The following EPB41 variants were observed in gnomAD, a reference collection of about 807,000 sequenced individuals.
EPB41 encodes the protein erythrocyte membrane protein band 4.1.
A neutral mutation model predicts 108.0 loss-of-function variants in EPB41; 65 were observed. That is an observed-to-expected ratio of 0.60 (90% CI 0.49 to 0.74). The LOEUF (loss-of-function observed/expected upper bound fraction) is 0.74, where lower values mean the gene tolerates loss of function less well. Ranked by LOEUF, EPB41 falls within the 30% of genes least tolerant of loss-of-function variation. The pLI, the probability that EPB41 is intolerant of heterozygous loss-of-function variation, is 0.00. For synonymous variants in EPB41, 336 were observed against 358.9 expected, an observed-to-expected ratio of 0.94 and a Z score of 0.72; for missense variants, 875 against 1,037.0, an observed-to-expected ratio of 0.84 and a Z score of 2.15.
At chr1:28,919,194 T>C (rs2148200266) in intron 1 of EPB41, among the ~76,000 whole-genome samples, 1 of 152,382 alleles carries the variant, frequency 6.6e-6, no homozygotes, top group South Asian at 2.1e-4. Flanking sequence ...AGTCTGTTTA[T>C]ACTTATTTTG....
chr1:29,115,936 C>T lies in EPB41; in HGVS notation c.*6+133C>T, dbSNP rs573870641. The stretch of plus-strand genomic sequence containing the variant: ...CACCCTGGGACTTGATAAAGGCAGA[C>T]GAGAGGCTGATGTGGGAGATATAGG... On this transcript the variant is annotated intron_variant, in intron 20 of 20. Coordinates refer to ENST00000343067, the MANE Select transcript of EPB41 (RefSeq NM_001376013.1). The surrounding 1 kb of genome is among the most constrained non-coding windows in gnomAD (Gnocchi z 4.4). The T allele has an allele frequency of 1.4e-5, 10 of 702,980 alleles. No individual in the cohort carries two copies. The highest frequency in any genetic ancestry group is 9.4e-5 in the South Asian group (6 of 63,780). The allele number at this position is 702,980 out of a possible 1,614,324, so 43.5% of individuals were successfully genotyped here. A position where few individuals can be genotyped will look rare whatever the true frequency, so the allele number is the denominator to read the frequency against.
At chr1:29,093,718 A>G (rs1451756547) in intron 16 of EPB41, among the ~76,000 whole-genome samples, 1 of 152,176 alleles carries the variant, frequency 6.6e-6, no homozygotes, top group African/African-American at 2.4e-5. Flanking sequence ...CAGCCTGACC[A>G]ACATGGTGAA....
At chr1:28,888,916 C>T (rs553146321) in intron 1 of EPB41, among the ~76,000 whole-genome samples, 3 of 152,330 alleles carry the variant, frequency 2.0e-5, no homozygotes, top group African/African-American at 4.8e-5. Context: ...CGTGAGCCAC[C>T]GCGCCAGGCC....
At chr1:29,114,360 C>T (rs757199810) in intron 19 of EPB41, among the ~76,000 whole-genome samples, 2 of 152,282 alleles carry the variant, frequency 1.3e-5, no homozygotes, top group East Asian at 1.9e-4. Context: ...CCCTATTGCA[C>T]GGCTGGGTGC....
At chr1:29,034,979 T>G (rs1020241976) in intron 9 of EPB41, among the ~76,000 whole-genome samples, 7 of 106,274 alleles carry the variant, frequency 6.6e-5, no homozygotes, top group African/African-American at 3.6e-4. Context: ...TGTTGTTTTT[T>G]TTTTTTTTTT....
chr1:29,100,204 C>T (rs935981980), intron 17 of EPB41, among the ~76,000 whole-genome samples: 2 of 151,386 alleles, frequency 1.3e-5, no homozygotes, highest in African/African-American at 4.8e-5. Context: ...TGTGGTGGCT[C>T]ACGCCTGTAA....
rs188007747 is a variant in EPB41, at chr1:29,018,710, T to C, written c.1124+268T>C. On this transcript the variant is annotated intron_variant, in intron 7 of 20. Transcript: ENST00000343067. The surrounding 1 kb of genome is among the most constrained non-coding windows in gnomAD (Gnocchi z 4.4). ...AGTGGCTGGCTCAGTGCTCAGCAAA[T>C]GGCAGCTATTATTATTTTTGTTTCC... Among the ~76,000 whole-genome samples, 11 of 152,284 alleles carry C rather than the reference T, an allele frequency of 7.2e-5. No individual in the cohort carries two copies. The highest frequency in any genetic ancestry group is 5.9e-4 in the Admixed American group (9 of 15,294).
chr1:28,968,408 T>C (rs960224503), intron 1 of EPB41, among the ~76,000 whole-genome samples: 2 of 152,094 alleles, frequency 1.3e-5, no homozygotes, highest in African/African-American at 2.4e-5. Flanking sequence ...TATGTCCTTA[T>C]AATATCCCCA....
intron 1 of EPB41, among the ~76,000 whole-genome samples, chr1:28,918,505 A>G (rs144222745): frequency 6.6e-6 from 1 of 152,382 alleles, no homozygotes; most frequent in African/African-American, 2.4e-5. Flanking sequence ...AATAATTCCA[A>G]TAACTTTTCT....
At chr1:28,943,176 T>TA (rs1029903850) in intron 1 of EPB41, among the ~76,000 whole-genome samples, 4 of 152,160 alleles carry the variant, frequency 2.6e-5, no homozygotes, top group African/African-American at 4.8e-5. Flanking sequence ...GTTAATTTGG[T>TA]AAAAAATTTC....
chr1:29,068,373 G>T (rs1649479223), intron 16 of EPB41, among the ~76,000 whole-genome samples: 1 of 152,160 alleles, frequency 6.6e-6, no homozygotes, highest in African/African-American at 2.4e-5. Flanking sequence ...CCATTTCCAG[G>T]AAATATCTTA....
intron 19 of EPB41, among the ~76,000 whole-genome samples, chr1:29,114,798 GTTA>G (rs768553149): frequency 5.9e-5 from 9 of 152,002 alleles, no homozygotes; most frequent in East Asian, 1.9e-4. Flanking sequence ...AATGATAATA[GTTA>G]TTATCTTAAT....
chr1:29,020,284 G>A (rs1436894879), intron 7 of EPB41, among the ~76,000 whole-genome samples: 2 of 151,778 alleles, frequency 1.3e-5, no homozygotes, highest in South Asian at 2.1e-4. Context: ...GGCCAGGCTG[G>A]TCTTGAACTT....
At position 28,966,163 on chromosome 1, in the gene EPB41, G is replaced by A. The variant is rs150695900; in HGVS notation, c.-7-21268G>A. ...ATCGCGCCTTTGCATTCCAGCCTGG[G>A]CAACAAGAGTGAAACTCCGTCTCAA... On this transcript the variant is annotated intron_variant, in intron 1 of 20. Coordinates refer to ENST00000343067, the MANE Select transcript of EPB41 (RefSeq NM_001376013.1). Among the ~76,000 whole-genome samples, 649 of 150,890 alleles carry A rather than the reference G, an allele frequency of 4.3e-3. 4 individuals carry two copies. Among genetic ancestry groups the A allele is most frequent in the African/African-American group, 0.015 (623 of 41,064 alleles).
intron 1 of EPB41, among the ~76,000 whole-genome samples, chr1:28,957,126 G>C (rs903098730): frequency 1.3e-5 from 2 of 152,256 alleles, no homozygotes; most frequent in African/African-American, 4.8e-5. Context: ...AGTTGGCATA[G>C]GCCATGTATC....
intron 10 of EPB41, among the ~76,000 whole-genome samples, chr1:29,038,821 G>C (rs1640446715): frequency 2.0e-5 from 3 of 152,226 alleles, no homozygotes; most frequent in South Asian, 4.1e-4. Context: ...TGAGTTTGGA[G>C]TGCATTTGAC....
chr1:28,954,559 A>G (rs566777949), intron 1 of EPB41, among the ~76,000 whole-genome samples: 1 of 152,314 alleles, frequency 6.6e-6, no homozygotes, highest in Admixed American at 6.5e-5. Context: ...ATTAGTGTAT[A>G]AGAAATTTTT....
chr1:28,890,150 G>A (rs2089966451), intron 1 of EPB41, among the ~76,000 whole-genome samples: 7 of 151,936 alleles, frequency 4.6e-5, no homozygotes, highest in Admixed American at 3.3e-4. Flanking sequence ...CGATTCTCTT[G>A]CCTTAGCCTC....
chr1:28,895,305 A>G (rs953127629), intron 1 of EPB41, among the ~76,000 whole-genome samples: 3 of 151,948 alleles, frequency 2.0e-5, no homozygotes, highest in Admixed American at 6.6e-5. Flanking sequence ...TGGGCTGGTT[A>G]TATGCTATTT....
Sources: gnomAD v4.1 joint callset for allele counts (sites outside exome capture counted in the v4.1 genomes callset) on GRCh38, gnomAD v4.1.1 for gene constraint, Gnocchi (gnomAD v3.1) non-coding constraint, MANE v1.5 for transcripts, NCBI Gene and HGNC (gene_info 2026-07-23, HGNC 2026-07-21) for gene names.